GALNT14: variants seen among roughly 807,000 people sequenced by gnomAD.
GALNT14 encodes the protein polypeptide N-acetylgalactosaminyltransferase 14.
Under a neutral mutation model 77.5 loss-of-function variants are expected in GALNT14, and 60 were observed. That is an observed-to-expected ratio of 0.77 (90% CI 0.63 to 0.96). GALNT14 has a LOEUF of 0.96. GALNT14 is among the 40% of genes least tolerant of loss of function. GALNT14 has a pLI of 0.00. For synonymous variants in GALNT14, 280 were observed against 281.7 expected (o/e 0.99, Z 0.06); for missense variants, 710 against 731.0 (o/e 0.97, Z 0.33).
intron 2 of GALNT14, among the ~76,000 whole-genome samples, chr2:30,974,662 C>T (rs538061047): frequency 1.1e-4 from 16 of 152,310 alleles, no homozygotes; most frequent in Admixed American, 9.1e-4. Flanking sequence ...AAGTTACTTC[C>T]CCTGGGAAGC....
chr2:31,033,649 T>C (rs1672544818), intron 1 of GALNT14, among the ~76,000 whole-genome samples: 3 of 152,136 alleles, frequency 2.0e-5, no homozygotes, highest in Admixed American at 1.3e-4. Flanking sequence ...CTTTGGCTCC[T>C]TCCCTCCCTG....
At chr2:31,050,886 G>C (rs1489021236) in intron 1 of GALNT14, among the ~76,000 whole-genome samples, 4 of 151,752 alleles carry the variant, frequency 2.6e-5, no homozygotes, top group African/African-American at 7.3e-5. Context: ...TCTCTGTGTG[G>C]GACCTCACTG....
intron 13 of GALNT14, among the ~76,000 whole-genome samples, chr2:30,912,906 C>A (rs914405040): frequency 6.6e-6 from 1 of 152,072 alleles, no homozygotes; most frequent in Admixed American, 6.5e-5. Context: ...AAAGAAGGGT[C>A]TAGGGAAAGA....
Position 31,068,706 on chromosome 2 carries a change from T to G in GALNT14, c.129+69252A>C, listed in dbSNP as rs565536414. 7.9e-5 allele frequency among the ~76,000 whole-genome samples: 12 copies of G among 152,226 alleles called. No individual in the cohort carries two copies. The South Asian group carries it at 2.5e-3, about 32-fold the overall frequency. On this transcript the variant is annotated intron_variant, in intron 1 of 14. Transcript: ENST00000349752. ...GGCAACAATGGGGCCCCTAGGTGTT[T>G]AAGATGAGGCTGGAGGACTAATAAT...
chr2:30,992,838 C>T lies in GALNT14; in HGVS notation c.299G>A (p.Arg100Lys). ...ACAGAGTGGGAGAAGGAGGAAGTAC[C>T]TCAGATGGCGAGTGTCCGGGATGGC... ...NRAIPDTRHL[R>K]CTLLVYCTDL... is the part of the protein sequence containing the mutation. Residue 100 changes from arginine to lysine, a missense_variant and splice_region_variant, in exon 2 of 15, where the codon AGA becomes AAA. Arg to Lys is a conservative substitution (Grantham distance 26). Coordinates refer to ENST00000349752, the MANE Select transcript of GALNT14 (RefSeq NM_024572.4). 6.2e-7 allele frequency: 1 copy of T among 1,612,858 alleles called. No individual in the cohort carries two copies. Among genetic ancestry groups the T allele is most frequent in the Non-Finnish European group, 8.5e-7 (1 of 1,178,964 alleles).
chr2:30,897,248 C>G, the GALNT14 span, among the ~76,000 whole-genome samples: 2 of 152,142 alleles, frequency 1.3e-5, no homozygotes, highest in East Asian at 3.9e-4. Context: ...GCAGCTGGGC[C>G]AGGTGTCCAG....
intron 2 of GALNT14, among the ~76,000 whole-genome samples, chr2:30,982,274 C>T (rs543218855): frequency 6.6e-6 from 1 of 152,226 alleles, no homozygotes; most frequent in African/African-American, 2.4e-5. Flanking sequence ...GCTGTAAGTA[C>T]TTCATTAAAT....
intron 1 of GALNT14, among the ~76,000 whole-genome samples, chr2:31,085,197 C>T (rs1204229846): frequency 6.6e-6 from 1 of 152,144 alleles, no homozygotes; most frequent in African/African-American, 2.4e-5. Flanking sequence ...GACTAATTTG[C>T]CTAACTAGAA....
the GALNT14 span, among the ~76,000 whole-genome samples, chr2:30,888,302 C>G: frequency 6.6e-6 from 1 of 152,194 alleles, no homozygotes; most frequent in Non-Finnish European, 1.5e-5. Flanking sequence ...GGACTGAGGG[C>G]ATGGACTCTG....
At chr2:30,928,514 T>C (rs181769648) in intron 11 of GALNT14, among the ~76,000 whole-genome samples, 3 of 152,254 alleles carry the variant, frequency 2.0e-5, no homozygotes, top group East Asian at 1.9e-4. Context: ...AGTCTCCTCA[T>C]CTGTAAACCA....
intron 1 of GALNT14, among the ~76,000 whole-genome samples, chr2:31,078,331 G>T (rs769394749): frequency 2.0e-5 from 3 of 152,196 alleles, no homozygotes; most frequent in Non-Finnish European, 4.4e-5. Context: ...TGTTAATGAG[G>T]TTGGACAACA....
chr2:31,037,732 T>C (rs1283626284), intron 1 of GALNT14, among the ~76,000 whole-genome samples: 1 of 152,104 alleles, frequency 6.6e-6, no homozygotes, highest in Non-Finnish European at 1.5e-5. Flanking sequence ...GTGTAGTCAC[T>C]GAAGCCTTGA....
rs1666423535 is a variant in GALNT14 at position 30,942,310 on chromosome 2, C to T, written c.828-6G>A. 1.2e-6 allele frequency: 2 copies of T among 1,609,624 alleles called. No individual in the cohort carries two copies. The highest frequency in any genetic ancestry group is 1.7e-6 in the Non-Finnish European group (2 of 1,176,286). On this transcript the variant is annotated splice_polypyrimidine_tract_variant and splice_region_variant and intron_variant, in intron 8 of 14. Coordinates refer to ENST00000349752, the MANE Select transcript of GALNT14 (RefSeq NM_024572.4). Reference sequence around the variant, plus strand: ...CTCCAGCTATGATAGGAGTCCTGTGCATTTGGAAGAAAAAGAGAGGGGATC... The same window carrying T: ...CTCCAGCTATGATAGGAGTCCTGTGTATTTGGAAGAAAAAGAGAGGGGATC...
At chr2:31,109,904 A>C (rs1464288693) in intron 1 of GALNT14, among the ~76,000 whole-genome samples, 1 of 152,160 alleles carries the variant, frequency 6.6e-6, no homozygotes, top group African/African-American at 2.4e-5. Flanking sequence ...AAAAAGGAAT[A>C]ATCTGTCTCA....
chr2:31,020,581 T>TA (rs1284739707), intron 1 of GALNT14, among the ~76,000 whole-genome samples: 3 of 152,170 alleles, frequency 2.0e-5, no homozygotes, highest in African/African-American at 7.2e-5. Flanking sequence ...GGGGAAGCTA[T>TA]TTTTAATCTT....
intron 8 of GALNT14, among the ~76,000 whole-genome samples, chr2:30,943,466 C>T (rs1040716181): frequency 2.0e-5 from 3 of 152,218 alleles, no homozygotes; most frequent in East Asian, 1.9e-4. Flanking sequence ...GATGCTGCCA[C>T]ATCCTGCTGT....
intron 4 of GALNT14, 25 bp from the exon 5 acceptor site, chr2:30,956,002 A>G (rs1667347512): frequency 6.2e-7 from 1 of 1,613,318 alleles, no homozygotes; most frequent in African/African-American, 1.3e-5. Flanking sequence ...GGTTAAGCCA[A>G]TTGAGCGCCC....
intron 1 of GALNT14, among the ~76,000 whole-genome samples, chr2:31,107,671 G>C (rs941034661): frequency 6.6e-6 from 1 of 152,150 alleles, no homozygotes; most frequent in African/African-American, 2.4e-5. Flanking sequence ...TTGAGACTCA[G>C]TCTCTCTATT....
At chr2:31,106,085 G>A (rs895515881) in intron 1 of GALNT14, among the ~76,000 whole-genome samples, 93 of 152,246 alleles carry the variant, frequency 6.1e-4, no homozygotes, top group African/African-American at 2.2e-3. Flanking sequence ...GAAGGAAAAG[G>A]AGGCAAGGGG....
Sources: gnomAD v4.1 joint callset for allele counts (sites outside exome capture counted in the v4.1 genomes callset) on GRCh38, gnomAD v4.1.1 for gene constraint, MANE v1.5 for transcripts, NCBI Gene and HGNC (gene_info 2026-07-23, HGNC 2026-07-21) for gene names.